Variants in MBP observed in about 807,000 individuals in gnomAD.
MBP encodes the protein Golli-MBP.
In MBP, 16 loss-of-function variants were observed where a neutral mutation model predicts 35.8. That is an observed-to-expected ratio of 0.45 (90% CI 0.30 to 0.68). MBP has a LOEUF of 0.68. MBP is among the 30% of genes least tolerant of loss of function. MBP has a pLI of 0.08. For missense variants in MBP, 380 were observed against 404.7 expected (o/e 0.94, Z 0.52); for synonymous variants, 143 against 159.6 (o/e 0.90, Z 0.78).
chr18:77,008,240 G>A (rs962964771), intron 4 of MBP, among the ~76,000 whole-genome samples: 2 of 152,222 alleles, frequency 1.3e-5, no homozygotes, highest in Non-Finnish European at 2.9e-5. Flanking sequence ...CTGCTCTCCA[G>A]GGCGGGGCCG....
chr18:77,009,922 G>T, intron 4 of MBP: 1 of 1,581,104 alleles, frequency 6.3e-7, no homozygotes, highest in Non-Finnish European at 8.6e-7. Context: ...CTTTAGCCAG[G>T]GTACCTGCCG....
chr18:76,988,004 A>T lies in MBP; in HGVS notation c.750+491T>A. On this transcript the variant is annotated intron_variant, in intron 7 of 8. Transcript: ENST00000355994. This position sits in a 1 kb window ranked among gnomAD's most constrained non-coding sequence, Gnocchi z 5.2. ...ATACAAAACAAAAATCTTTGGATTA[A>T]TGAGGTTATTATAAATCGAGCAACT... The T allele has an allele frequency of 7.6e-7, 1 of 1,313,926 alleles. No homozygotes were observed. The highest frequency in any genetic ancestry group is 9.8e-7 in the Non-Finnish European group (1 of 1,025,218). 81.4% of individuals were successfully genotyped at this position (1,313,926 alleles called of 1,614,324 possible). A position where few individuals can be genotyped will look rare whatever the true frequency, so the allele number is the denominator to read the frequency against.
At chr18:77,024,005 C>A (rs1438836338) in intron 3 of MBP, among the ~76,000 whole-genome samples, 1 of 152,254 alleles carries the variant, frequency 6.6e-6, no homozygotes, top group Non-Finnish European at 1.5e-5. Context: ...CTGATATTTA[C>A]TGGAGTATAC....
intron 3 of MBP, among the ~76,000 whole-genome samples, chr18:77,019,520 G>A (rs1971900776): frequency 6.6e-6 from 1 of 152,180 alleles, no homozygotes; most frequent in African/African-American, 2.4e-5. Flanking sequence ...AAATTCTCCT[G>A]TAGAGCCTTC....
chr18:77,040,726 A>G (rs1043553953), intron 3 of MBP, among the ~76,000 whole-genome samples: 2 of 152,260 alleles, frequency 1.3e-5, no homozygotes, highest in Non-Finnish European at 2.9e-5. Flanking sequence ...CTGGCTAGCC[A>G]TATGTAGAAA....
In MBP at chr18:77,101,910, G is replaced by C. The variant is rs1254058610; in HGVS notation, c.51+3301C>G. Reference sequence around the variant, plus strand: ...GAGCTTTTATGTGAAAAAGAAGTTAGGAAATAGGTATGATTCATTTACTCT... The same window carrying C: ...GAGCTTTTATGTGAAAAAGAAGTTACGAAATAGGTATGATTCATTTACTCT... On this transcript the variant is annotated intron_variant, in intron 2 of 8. Transcript: ENST00000355994. This position sits in a 1 kb window ranked among gnomAD's most constrained non-coding sequence, Gnocchi z 4.3. Among the ~76,000 whole-genome samples, 1 of 152,182 alleles carries C rather than the reference G, an allele frequency of 6.6e-6. No individual in the cohort carries two copies. The highest frequency in any genetic ancestry group is 1.5e-5 in the Non-Finnish European group (1 of 68,048).
In MBP at chr18:77,105,247, T is replaced by C. The variant is rs552340815; in HGVS notation, c.15A>G (p.Ala5=). Residue 5 remains alanine, a synonymous_variant, in exon 2 of 9, where the codon GCA becomes GCG. Transcript: ENST00000355994. ...TCTCGGCATTTAATTCTCGTTTGCC[T>C]GCGTGGTTTCCCATCCTGAATGGAT... MGNH[A]GKRELNAEKA... 2.8e-5 allele frequency: 45 copies of C among 1,612,476 alleles called. No individual in the cohort carries two copies. The African/African-American group carries it at 5.5e-4, about 20-fold the overall frequency.
intron 2 of MBP, among the ~76,000 whole-genome samples, chr18:77,077,749 C>T (rs1315727293): frequency 3.9e-5 from 6 of 152,186 alleles, no homozygotes; most frequent in South Asian, 4.1e-4. Flanking sequence ...AGTTAGGACT[C>T]GGAACTACTC....
intron 4 of MBP, among the ~76,000 whole-genome samples, chr18:77,009,637 C>G (rs470238): frequency 0.11 from 16,614 of 152,276 alleles, 1,068 homozygotes; most frequent in African/African-American, 0.19. Flanking sequence ...AAGGCAGGTC[C>G]TCCATGCCCC....
intron 2 of MBP, among the ~76,000 whole-genome samples, chr18:77,080,007 T>G (rs1303312737): frequency 6.6e-6 from 1 of 152,226 alleles, no homozygotes; most frequent in Non-Finnish European, 1.5e-5. Flanking sequence ...AAAAAACGCA[T>G]GTTTTTTAAA....
rs35938490 is a variant in MBP, at chr18:77,031,542, G to A, written c.140-14274C>T. On this transcript the variant is annotated intron_variant, in intron 3 of 8. Transcript: ENST00000355994. Reference sequence around the variant, plus strand: ...TTCTCATTTTTGTGGATGTTTTGACGCAAGTAATTCACTATCTGGACACAA... The same window carrying A: ...TTCTCATTTTTGTGGATGTTTTGACACAAGTAATTCACTATCTGGACACAA... Among the ~76,000 whole-genome samples the A allele has an allele frequency of 9.6e-3, 1,466 of 152,324 alleles. 64 individuals carry two copies. In the East Asian group the frequency reaches 0.14, roughly 14 times the overall value.
intron 1 of MBP, among the ~76,000 whole-genome samples, chr18:77,122,688 G>A (rs1277827371): frequency 1.3e-5 from 2 of 151,984 alleles, no homozygotes; most frequent in East Asian, 1.9e-4. Flanking sequence ...GATTACAGGC[G>A]CCCACCACCA....
At chr18:76,986,647 C>A in intron 7 of MBP, 3 of 985,554 alleles carry the variant, frequency 3.0e-6, no homozygotes, top group Non-Finnish European at 3.6e-6. Context: ...CAGCCAGCCT[C>A]GCTCTTGCGT....
intron 4 of MBP, chr18:77,013,345 C>T (rs1568288622): frequency 2.0e-6 from 2 of 985,334 alleles, no homozygotes; most frequent in Non-Finnish European, 2.4e-6. Flanking sequence ...GTTGCTGCTG[C>T]CTTCCGTGCT....
rs149679014 is a variant in MBP, at chr18:77,101,558, G to C, written c.51+3653C>G. Reference sequence around the variant, plus strand: ...CTTCTGCCTGAATCTGATGTCTCCTGTTCTGACCCTCAACTGGCCCAGGAA... The same window carrying C: ...CTTCTGCCTGAATCTGATGTCTCCTCTTCTGACCCTCAACTGGCCCAGGAA... On this transcript the variant is annotated intron_variant, in intron 2 of 8. Transcript: ENST00000355994. The surrounding 1 kb of genome is among the most constrained non-coding windows in gnomAD (Gnocchi z 4.3). Among the ~76,000 whole-genome samples, 314 of 144,550 alleles carry C rather than the reference G, an allele frequency of 2.2e-3. 1 individual carries two copies. Among genetic ancestry groups the C allele is most frequent in the African/African-American group, 7.0e-3 (291 of 41,334 alleles). 94.8% of individuals were successfully genotyped at this position (144,550 alleles called of 152,430 possible).
intron 2 of MBP, among the ~76,000 whole-genome samples, chr18:77,076,088 T>C (rs1974638759): frequency 6.6e-6 from 1 of 152,238 alleles, no homozygotes; most frequent in Non-Finnish European, 1.5e-5. Flanking sequence ...CGGTTTATGC[T>C]ATTCAACTGA....
At chr18:77,025,149 C>T (rs949312553) in intron 3 of MBP, among the ~76,000 whole-genome samples, 1 of 152,208 alleles carries the variant, frequency 6.6e-6, no homozygotes. Context: ...GCCTAAACTC[C>T]CTCCGTATGT....
intron 3 of MBP, among the ~76,000 whole-genome samples, chr18:77,032,088 C>T (rs528266956): frequency 9.2e-5 from 14 of 152,296 alleles, no homozygotes; most frequent in African/African-American, 2.6e-4. Flanking sequence ...CTGGAGAAGG[C>T]GCCGGGGGCA....
At chr18:77,085,078 AAG>A (rs1347219726) in intron 2 of MBP, among the ~76,000 whole-genome samples, 7 of 152,118 alleles carry the variant, frequency 4.6e-5, no homozygotes, top group African/African-American at 1.7e-4. Context: ...ATGTAAGGTT[AAG>A]GGCCGTTATT....
Sources: allele counts gnomAD v4.1 joint callset (sites outside exome capture counted in the v4.1 genomes callset), GRCh38; gene constraint gnomAD v4.1.1; non-coding constraint Gnocchi (gnomAD v3.1); transcripts MANE v1.5; gene names NCBI Gene and HGNC (gene_info 2026-07-23, HGNC 2026-07-21).